Variants in RBM47 observed in about 807,000 individuals in gnomAD.
RBM47 encodes the protein RNA binding motif protein 47.
A neutral mutation model predicts 47.1 loss-of-function variants in RBM47; 21 were observed. The ratio of observed to expected loss-of-function variants is 0.45; its 90% CI spans 0.32 to 0.64. The LOEUF (loss-of-function observed/expected upper bound fraction) is 0.64. RBM47 is among the 30% of genes least tolerant of loss of function. RBM47 has a pLI of 0.05. For synonymous variants in RBM47, 375 were observed against 361.7 expected, an observed-to-expected ratio of 1.04 and a Z score of -0.42; for missense variants, 708 against 870.9, an observed-to-expected ratio of 0.81 and a Z score of 2.35.
At chr4:40,475,916 A>C (rs1719540566) in intron 2 of RBM47, among the ~76,000 whole-genome samples, 1 of 152,194 alleles carries the variant, frequency 6.6e-6, no homozygotes, top group African/African-American at 2.4e-5. Context: ...GAGGTGTTAA[A>C]ACTGCCACAA....
intron 2 of RBM47, among the ~76,000 whole-genome samples, chr4:40,483,779 TA>T (rs1720738673): frequency 1.3e-5 from 2 of 152,134 alleles, no homozygotes; most frequent in South Asian, 4.1e-4. Context: ...CTAAAATACT[TA>T]ATAGTGATTA....
rs150426578 is a variant in RBM47, at chr4:40,424,668, C to T, written c.*1236G>A. 678 of 152,178 alleles carry T rather than the reference C, an allele frequency of 4.5e-3. 6 individuals are homozygous for T. Among genetic ancestry groups the T allele is most frequent in the African/African-American group, 0.015 (637 of 41,508 alleles). 9.4% of individuals were successfully genotyped at this position (152,178 alleles called of 1,614,324 possible). A position where few individuals can be genotyped will look rare whatever the true frequency, so the allele number is the denominator to read the frequency against. On this transcript the variant is annotated 3_prime_UTR_variant, in exon 7 of 7. Coordinates refer to ENST00000295971, the MANE Select transcript of RBM47 (RefSeq NM_001098634.2). ...AGTGCACAGCAAAGGAAGAGAGGCC[C>T]ATTTAATAAACATAATGTTTCCAAC...
chr4:40,545,017 T>C (rs1278094389), intron 1 of RBM47, among the ~76,000 whole-genome samples: 1 of 149,894 alleles, frequency 6.7e-6, no homozygotes, highest in East Asian at 2.0e-4. Context: ...GCTATGATCG[T>C]GCACTCCAGC....
At chr4:40,507,406 A>AGTC (rs1407685160) in intron 2 of RBM47, among the ~76,000 whole-genome samples, 20 of 152,342 alleles carry the variant, frequency 1.3e-4, no homozygotes, top group African/African-American at 3.6e-4. Context: ...CTTAAAAAAA[A>AGTC]ATTCAAAAAT....
At chr4:40,518,691 C>T (rs943092078) in intron 2 of RBM47, among the ~76,000 whole-genome samples, 4 of 152,026 alleles carry the variant, frequency 2.6e-5, no homozygotes, top group African/African-American at 4.8e-5. Flanking sequence ...GCCTACACAC[C>T]CTACTGCCCA....
At chr4:40,510,423 C>G (rs1184511185) in intron 2 of RBM47, among the ~76,000 whole-genome samples, 1 of 152,082 alleles carries the variant, frequency 6.6e-6, no homozygotes, top group Non-Finnish European at 1.5e-5. Flanking sequence ...GTGGGATATG[C>G]TAAGAGCTAG....
At chr4:40,561,591 C>T (rs557445415) in intron 1 of RBM47, among the ~76,000 whole-genome samples, 1 of 149,314 alleles carries the variant, frequency 6.7e-6, no homozygotes, top group African/African-American at 2.5e-5. Flanking sequence ...GCTCTGTCAC[C>T]CAGGCTTGAG....
At chr4:40,510,722 C>A (rs1298255127) in intron 2 of RBM47, among the ~76,000 whole-genome samples, 1 of 152,042 alleles carries the variant, frequency 6.6e-6, no homozygotes, top group Non-Finnish European at 1.5e-5. Flanking sequence ...AAGAAAGAGT[C>A]GTGATTTATT....
chr4:40,618,518 G>C (rs1329618574), intron 1 of RBM47, among the ~76,000 whole-genome samples: 2 of 151,982 alleles, frequency 1.3e-5, no homozygotes, highest in Non-Finnish European at 2.9e-5. Context: ...ATATAAAAGG[G>C]GGAAACTTCT....
intron 6 of RBM47, among the ~76,000 whole-genome samples, chr4:40,431,626 C>T (rs1363910936): frequency 3.3e-5 from 5 of 149,598 alleles, no homozygotes; most frequent in Non-Finnish European, 7.4e-5. Context: ...CCACTGCGCT[C>T]CAGCCTGGGC....
At chr4:40,481,298 A>G (rs1720351180) in intron 2 of RBM47, among the ~76,000 whole-genome samples, 1 of 138,634 alleles carries the variant, frequency 7.2e-6, no homozygotes, top group African/African-American at 2.7e-5. Flanking sequence ...TTTGAGATGG[A>G]GTCTCACTCT....
intron 1 of RBM47, among the ~76,000 whole-genome samples, chr4:40,620,362 A>C (rs1031987672): frequency 1.3e-5 from 2 of 151,656 alleles, no homozygotes; most frequent in African/African-American, 4.8e-5. Flanking sequence ...AAAATTAGCC[A>C]GGCATGGTGG....
intron 1 of RBM47, among the ~76,000 whole-genome samples, chr4:40,561,119 A>C (rs192398361): frequency 6.6e-6 from 1 of 152,094 alleles, no homozygotes; most frequent in East Asian, 1.9e-4. Context: ...TGTTAAACCC[A>C]CTTTCAGTAA....
chr4:40,618,738 G>T (rs980899777), intron 1 of RBM47, among the ~76,000 whole-genome samples: 1 of 145,476 alleles, frequency 6.9e-6, no homozygotes, highest in Non-Finnish European at 1.5e-5. Context: ...GAACCTGGGA[G>T]GTAGAGGTTG....
chr4:40,623,812 T>C (rs1737483902), intron 1 of RBM47, among the ~76,000 whole-genome samples: 2 of 151,844 alleles, frequency 1.3e-5, no homozygotes, highest in African/African-American at 2.4e-5. Context: ...TTTTAAAGGA[T>C]ATTAAATAGC....
In RBM47 at chr4:40,438,143, G is replaced by A; in HGVS notation, c.751C>T (p.Arg251Cys). Reference protein sequence around the residue: ...VMETVKILYVRNLMIETTEDT... With the variant: ...VMETVKILYVCNLMIETTEDT... Reference sequence around the variant, plus strand: ...TCGGTGGTCTCGATCATGAGGTTGCGCACGTAGAGGATCTTCACGGTCTCC... The same window carrying A: ...TCGGTGGTCTCGATCATGAGGTTGCACACGTAGAGGATCTTCACGGTCTCC... The change falls in exon 4 of 7, where the codon CGC becomes TGC. Residue 251 changes from arginine (R) to cysteine (C), a missense_variant. By Grantham distance (180) the Arg-to-Cys change is radical. Coordinates refer to ENST00000295971, the MANE Select transcript of RBM47 (RefSeq NM_001098634.2). The A allele has an allele frequency of 1.2e-6, 2 of 1,612,586 alleles. No homozygotes were observed. Among genetic ancestry groups the A allele is most frequent in the Non-Finnish European group, 8.5e-7 (1 of 1,179,988 alleles).
chr4:40,524,823 C>T (rs1402046890), intron 2 of RBM47, among the ~76,000 whole-genome samples: 4 of 152,100 alleles, frequency 2.6e-5, no homozygotes, highest in Admixed American at 6.6e-5. Flanking sequence ...ACTGGGAGCC[C>T]GGTACTGCGC....
chr4:40,465,614 G>A (rs572247234), intron 3 of RBM47, among the ~76,000 whole-genome samples: 4 of 152,138 alleles, frequency 2.6e-5, no homozygotes, highest in Admixed American at 1.3e-4. Flanking sequence ...GGGAGGCGGC[G>A]GCTGCAGTGA....
intron 1 of RBM47, among the ~76,000 whole-genome samples, chr4:40,583,712 G>A (rs534643822): frequency 3.3e-4 from 50 of 151,782 alleles, no homozygotes; most frequent in African/African-American, 1.2e-3. Context: ...CAAAAAATTA[G>A]CCGGGCGCGG....
Sources: allele counts gnomAD v4.1 joint callset (sites outside exome capture counted in the v4.1 genomes callset), GRCh38; gene constraint gnomAD v4.1.1; transcripts MANE v1.5; gene names NCBI Gene and HGNC (gene_info 2026-07-23, HGNC 2026-07-21).